Variants in LONRF2 observed in about 807,000 individuals in gnomAD.
LONRF2 encodes LON peptidase N-terminal domain and RING finger protein 2.
In LONRF2, 35 loss-of-function variants were observed where a neutral mutation model predicts 66.6. That is an observed-to-expected ratio of 0.53 (90% CI 0.40 to 0.70). The LOEUF (loss-of-function observed/expected upper bound fraction) is 0.70. Ranked by LOEUF, LONRF2 falls within the 30% of genes least tolerant of loss-of-function variation. The pLI is 0.00. For synonymous variants in LONRF2, 417 were observed against 418.1 expected (o/e 1.00, Z 0.03); for missense variants, 902 against 1,002.1 (o/e 0.90, Z 1.35).
intron 1 of LONRF2, among the ~76,000 whole-genome samples, chr2:100,320,002 A>G (rs1189361706): frequency 6.6e-6 from 1 of 152,236 alleles, no homozygotes; most frequent in Non-Finnish European, 1.5e-5. Context: ...CAGATGAAGT[A>G]TTTCTGATGA....
Position 100,284,474 on chromosome 2 carries a change from C to A in LONRF2, c.2089G>T (p.Ala697Ser), listed in dbSNP as rs374540755. 1.9e-6 allele frequency: 3 copies of A among 1,597,590 alleles called. No homozygotes were observed. The highest frequency in any genetic ancestry group is 2.6e-6 in the Non-Finnish European group (3 of 1,172,270). Reference protein sequence around the residue: ...PEPQSNPSGPAWSWWILAVLP... With the variant: ...PEPQSNPSGPSWSWWILAVLP... ...ACGGCCAGGATCCACCAGGACCAGG[C>A]AGGGCCGCTGGGATTACTCTGCAAA... The change falls in exon 12 of 12, where the codon GCC becomes TCC. Residue 697 changes from alanine to serine, a missense_variant. This residue lies in a region of LONRF2 where 317 missense variants were observed against 432.2 expected (regional missense o/e 0.73). Transcript: ENST00000393437.
rs1241095103 is a variant in LONRF2, at chr2:100,273,017, A to C, written c.*11281T>G. ...AGTCTTTGCAGATGTAATCAAGTTA[A>C]GATGAGGTCATCCTGGATTAGGGTG... On this transcript the variant is annotated 3_prime_UTR_variant, in exon 12 of 12. Coordinates refer to ENST00000393437, the MANE Select transcript of LONRF2 (RefSeq NM_198461.4). 6.6e-6 allele frequency among the ~76,000 whole-genome samples: 1 copy of C among 152,254 alleles called. No homozygotes were observed. Among genetic ancestry groups the C allele is most frequent in the African/African-American group, 2.4e-5 (1 of 41,472 alleles).
intron 1 of LONRF2, among the ~76,000 whole-genome samples, chr2:100,313,972 T>C (rs978594215): frequency 2.6e-5 from 4 of 152,194 alleles, no homozygotes; most frequent in African/African-American, 7.2e-5. Context: ...AATATTACAC[T>C]GTATGACTTG....
intron 2 of LONRF2, 86 bp from the exon 3 acceptor site, chr2:100,303,129 A>G (rs1675221685): frequency 1.5e-6 from 2 of 1,300,648 alleles, no homozygotes; most frequent in African/African-American, 1.5e-5. Context: ...CAAATTTATT[A>G]GAACAATTTG....
At chr2:100,291,996 C>T (rs1187721943) in intron 9 of LONRF2, among the ~76,000 whole-genome samples, 3 of 152,170 alleles carry the variant, frequency 2.0e-5, no homozygotes, top group Non-Finnish European at 2.9e-5. Context: ...AAAATGAGAA[C>T]TCATGGCAGT....
chr2:100,283,693 G>A lies in LONRF2; in HGVS notation c.*605C>T, dbSNP rs1376323279. The stretch of plus-strand genomic sequence containing the variant: ...TTACAACATGCAATTTACAACACCT[G>A]GGACTACAACAGGACATTAAACACA... On this transcript the variant is annotated 3_prime_UTR_variant, in exon 12 of 12. Coordinates refer to ENST00000393437, the MANE Select transcript of LONRF2 (RefSeq NM_198461.4). 1 of 152,078 alleles carries A rather than the reference G, an allele frequency of 6.6e-6. No homozygotes were observed. Among genetic ancestry groups the A allele is most frequent in the Non-Finnish European group, 1.5e-5 (1 of 68,012 alleles). The allele number at this position is 152,078 out of a possible 1,614,324, so 9.4% of individuals were successfully genotyped here. A position where few individuals can be genotyped will look rare whatever the true frequency, so the allele number is the denominator to read the frequency against.
chr2:100,319,023 G>A (rs760025611), intron 1 of LONRF2, among the ~76,000 whole-genome samples: 28 of 151,920 alleles, frequency 1.8e-4, no homozygotes, highest in Admixed American at 5.2e-4. Flanking sequence ...CCAGCTACTT[G>A]GGAGGCTGAG....
rs373335292 is a variant in LONRF2, at chr2:100,290,488, GA to G, written c.1758-69del. 280 of 1,475,880 alleles carry G rather than the reference GA, an allele frequency of 1.9e-4. No homozygotes were observed. The East Asian group carries it at 4.7e-3, about 25-fold the overall frequency. The allele number at this position is 1,475,880 out of a possible 1,614,324, so 91.4% of individuals were successfully genotyped here. A position where few individuals can be genotyped will look rare whatever the true frequency, so the allele number is the denominator to read the frequency against. On this transcript the variant is annotated intron_variant, in intron 9 of 11. Transcript: ENST00000393437. ...CAGGGGGCCTTCTTTTTCCCTGGAT[GA>G]GAGTTTACTTTTAAAAGGAATACAA...
chr2:100,317,305 C>T (rs58658810), intron 1 of LONRF2, among the ~76,000 whole-genome samples: 6,782 of 151,006 alleles, frequency 0.045, 353 homozygotes, highest in African/African-American at 0.13. Context: ...TTAATTTTAC[C>T]TTCCTATTGG....
At chr2:100,297,723 A>G (rs1675101446) in intron 7 of LONRF2, among the ~76,000 whole-genome samples, 1 of 152,210 alleles carries the variant, frequency 6.6e-6, no homozygotes, top group South Asian at 2.1e-4. Context: ...GAGCACAGTC[A>G]CCACTGTGAC....
intron 5 of LONRF2, 77 bp downstream of exon 5, chr2:100,299,639 TA>T: frequency 8.6e-7 from 1 of 1,166,126 alleles, no homozygotes; most frequent in Non-Finnish European, 1.2e-6. Context: ...TGTAAAAATT[TA>T]AAAAATATAT....
intron 10 of LONRF2, 114 bp from the exon 11 acceptor site, chr2:100,287,177 T>C: frequency 1.0e-6 from 1 of 982,758 alleles, no homozygotes; most frequent in Non-Finnish European, 1.4e-6. Context: ...ATTTTAATAA[T>C]TCATCAGTTT....
intron 5 of LONRF2, 86 bp downstream of exon 5, chr2:100,299,631 T>C: frequency 1.8e-6 from 2 of 1,082,716 alleles, no homozygotes; most frequent in Non-Finnish European, 2.7e-6. Context: ...TTAAATGTTG[T>C]AAAAATTTAA....
chr2:100,309,306 A>T (rs1675364429), intron 1 of LONRF2, 81 bp from the exon 2 acceptor site: 1 of 792,422 alleles, frequency 1.3e-6, no homozygotes. Context: ...CATATATTAA[A>T]GTGTATATAT....
Position 100,284,118 on chromosome 2 carries a change from G to A in LONRF2, c.*180C>T. On this transcript the variant is annotated 3_prime_UTR_variant, in exon 12 of 12. Coordinates refer to ENST00000393437, the MANE Select transcript of LONRF2 (RefSeq NM_198461.4). Reference sequence around the variant, plus strand: ...AGACTTCAGGCTAACCTCACACAAGGTCAGATCCCACCAGACACAGAATTG... The same window carrying A: ...AGACTTCAGGCTAACCTCACACAAGATCAGATCCCACCAGACACAGAATTG... The A allele has an allele frequency of 3.4e-6, 2 of 596,518 alleles. No individual in the cohort carries two copies. Among genetic ancestry groups the A allele is most frequent in the East Asian group, 6.1e-5 (2 of 32,906 alleles). The allele number at this position is 596,518 out of a possible 1,614,324, so 37.0% of individuals were successfully genotyped here. A position where few individuals can be genotyped will look rare whatever the true frequency, so the allele number is the denominator to read the frequency against.
intron 10 of LONRF2, among the ~76,000 whole-genome samples, chr2:100,288,926 G>GT (rs1281585923): frequency 6.6e-6 from 1 of 152,208 alleles, no homozygotes; most frequent in Non-Finnish European, 1.5e-5. Context: ...GAGTAAGACT[G>GT]TTATGGACAT....
At chr2:100,300,000 GA>G in intron 4 of LONRF2, 82 bp from the exon 5 acceptor site, 1 of 426,308 alleles carries the variant, frequency 2.3e-6, no homozygotes, top group African/African-American at 3.4e-5. Context: ...GCCTGTACTA[GA>G]AATCTTTGGA....
At chr2:100,312,978 A>T (rs1305621808) in intron 1 of LONRF2, among the ~76,000 whole-genome samples, 1 of 152,220 alleles carries the variant, frequency 6.6e-6, no homozygotes, top group Non-Finnish European at 1.5e-5. Flanking sequence ...CAGTAGGTTC[A>T]CCAATTAACC....
At position 100,278,397 on chromosome 2, in the gene LONRF2, G is replaced by C. The variant is rs1674642235; in HGVS notation, c.*5901C>G. ...CAGAGAGAGAACACATTCTCTCCTG[G>C]ACCCACTAACCCCAGGGCTCCCACA... On this transcript the variant is annotated 3_prime_UTR_variant, in exon 12 of 12. Transcript: ENST00000393437. 6.6e-6 allele frequency: 1 copy of C among 151,974 alleles called. No individual in the cohort carries two copies. Among genetic ancestry groups the C allele is most frequent in the African/African-American group, 2.4e-5 (1 of 41,342 alleles). 9.4% of individuals were successfully genotyped at this position (151,974 alleles called of 1,614,324 possible). A position where few individuals can be genotyped will look rare whatever the true frequency, so the allele number is the denominator to read the frequency against.
Sources: allele counts gnomAD v4.1 joint callset (sites outside exome capture counted in the v4.1 genomes callset), GRCh38; gene constraint gnomAD v4.1.1; regional missense constraint gnomAD v4.1.1; transcripts MANE v1.5; gene names NCBI Gene and HGNC (gene_info 2026-07-23, HGNC 2026-07-21).